Variants in DPH6 observed in about 807,000 individuals in gnomAD.
DPH6 encodes the protein diphthine--ammonia ligase.
Under a neutral mutation model 38.2 loss-of-function variants are expected in DPH6, and 33 were observed. The observed-to-expected ratio is 0.86, with a 90% CI of 0.65 to 1.15. The LOEUF (loss-of-function observed/expected upper bound fraction) is 1.15, where lower values mean the gene tolerates loss of function less well. Among genes scored for constraint, DPH6 ranks in the 50% most tolerant of loss-of-function variants. The probability of loss-of-function intolerance (pLI) is 0.00; values close to 1 mark genes in which losing one functional copy is unlikely to be tolerated. For synonymous variants in DPH6, 108 were observed against 103.0 expected (o/e 1.05, Z -0.30); for missense variants, 325 against 320.0 (o/e 1.02, Z -0.12).
chr15:35,328,092 C>T (rs35363595), downstream of DPH6, among the ~76,000 whole-genome samples: 49,536 of 151,928 alleles, frequency 0.33, 8,976 homozygotes, highest in African/African-American at 0.49. Context: ...TGTACTTGGA[C>T]GAAGTCAGGC....
the DPH6 span, among the ~76,000 whole-genome samples, chr15:35,168,277 ATATTT>A: frequency 6.6e-6 from 1 of 152,016 alleles, no homozygotes; most frequent in South Asian, 2.1e-4. Flanking sequence ...AAACTGGCCT[ATATTT>A]TATTTTCTTC....
At chr15:35,343,056 T>C (rs1458743325) in intron 3 of DPH6, among the ~76,000 whole-genome samples, 3 of 152,218 alleles carry the variant, frequency 2.0e-5, no homozygotes, top group African/African-American at 4.8e-5. Flanking sequence ...GCTAGGGAAC[T>C]CTATTTCTTT....
chr15:35,352,272 T>A (rs568340878), intron 3 of DPH6, among the ~76,000 whole-genome samples: 1 of 152,172 alleles, frequency 6.6e-6, no homozygotes, highest in Non-Finnish European at 1.5e-5. Context: ...CTAGTGATAA[T>A]GAACTCCTTC....
intron 5 of DPH6, among the ~76,000 whole-genome samples, chr15:35,441,817 A>AT (rs1555402154): frequency 4.6e-5 from 7 of 151,176 alleles, no homozygotes; most frequent in Admixed American, 4.6e-4. Context: ...AATAAAAAAA[A>AT]TGATGAGCTC....
the DPH6 span, among the ~76,000 whole-genome samples, chr15:35,198,337 A>G: frequency 1.3e-5 from 2 of 152,216 alleles, no homozygotes; most frequent in African/African-American, 4.8e-5. Context: ...ATAAATTCCA[A>G]TCACATCATA....
chr15:35,177,696 T>G, the DPH6 span, among the ~76,000 whole-genome samples: 4,510 of 151,816 alleles, frequency 0.03, 286 homozygotes, highest in East Asian at 0.3. Flanking sequence ...TCCCAGCACT[T>G]TGGGAGGCCA....
chr15:35,164,211 CTT>C, the DPH6 span, among the ~76,000 whole-genome samples: 1 of 151,802 alleles, frequency 6.6e-6, no homozygotes, highest in Non-Finnish European at 1.5e-5. Flanking sequence ...TGATTGGACT[CTT>C]TGGGCAAAAC....
the DPH6 span, among the ~76,000 whole-genome samples, chr15:35,146,347 C>T: frequency 1.3e-5 from 2 of 152,142 alleles, no homozygotes; most frequent in East Asian, 1.9e-4. Flanking sequence ...ACTGTCAAGA[C>T]TATTTCTTTG....
At chr15:35,347,273 A>AT (rs952280020) in intron 3 of DPH6, among the ~76,000 whole-genome samples, 2 of 152,130 alleles carry the variant, frequency 1.3e-5, no homozygotes, top group African/African-American at 4.8e-5. Context: ...TTCACTTAGC[A>AT]TAATGTCCTC....
intron 5 of DPH6, among the ~76,000 whole-genome samples, chr15:35,436,333 GTGGGCGCC>G (rs1274661065): frequency 6.6e-6 from 1 of 151,622 alleles, no homozygotes; most frequent in Non-Finnish European, 1.5e-5. Context: ...GGGCGTGGTG[GTGGGCGCC>G]TGTACTCCCA....
rs181268679 is a variant in DPH6, at chr15:35,355,901, C to G, written n.207+17620G>C. Among the ~76,000 whole-genome samples, 32 of 152,276 alleles carry G rather than the reference C, an allele frequency of 2.1e-4. No homozygotes were observed. In the South Asian group the frequency reaches 3.7e-3, roughly 18 times the overall value. On this transcript the variant is annotated intron_variant and non_coding_transcript_variant, in intron 3 of 3. Coordinates refer to the DPH6 transcript ENST00000558973. The stretch of plus-strand genomic sequence containing the variant: ...TGTTTTCCAACTTGGTTCCATTCTC[C>G]CCGTCACTTTCAGGTACACCAACCA...
At chr15:35,244,080 G>A (rs1009607730) in intron 3 of DPH6, among the ~76,000 whole-genome samples, 1 of 152,116 alleles carries the variant, frequency 6.6e-6, no homozygotes, top group African/African-American at 2.4e-5. Context: ...AACATTTTTA[G>A]TTTTTAAGCT....
chr15:35,456,040 A>G (rs1051938045), intron 3 of DPH6, among the ~76,000 whole-genome samples: 22 of 152,190 alleles, frequency 1.4e-4, no homozygotes, highest in South Asian at 2.1e-4. Flanking sequence ...ATGATGGAGA[A>G]ATACCTGCCC....
intron 3 of DPH6, among the ~76,000 whole-genome samples, chr15:35,222,637 T>G (rs1459386641): frequency 6.6e-6 from 1 of 152,116 alleles, no homozygotes; most frequent in Non-Finnish European, 1.5e-5. Flanking sequence ...TGAACTGGGG[T>G]ACAGAAAAAG....
intron 5 of DPH6, among the ~76,000 whole-genome samples, chr15:35,435,336 T>G (rs1295072420): frequency 2.0e-5 from 3 of 152,202 alleles, no homozygotes; most frequent in African/African-American, 7.2e-5. Context: ...TACTGAGTTT[T>G]GGACAATCAA....
At chr15:35,304,295 C>T (rs1347312767) in intron 3 of DPH6, among the ~76,000 whole-genome samples, 1 of 152,084 alleles carries the variant, frequency 6.6e-6, no homozygotes, top group Admixed American at 6.5e-5. Context: ...AGCCCAAGTT[C>T]CTTTCCAATA....
intron 3 of DPH6, among the ~76,000 whole-genome samples, chr15:35,522,492 C>CA (rs1050044422): frequency 1.3e-5 from 2 of 151,862 alleles, no homozygotes; most frequent in African/African-American, 4.8e-5. Context: ...TTTGTCACAG[C>CA]AAAAAAATTA....
At chr15:35,498,407 A>G (rs1199364384) in intron 3 of DPH6, among the ~76,000 whole-genome samples, 2 of 152,184 alleles carry the variant, frequency 1.3e-5, no homozygotes, top group African/African-American at 2.4e-5. Flanking sequence ...TTGGGACAGA[A>G]AAATAAAGAA....
intron 3 of DPH6, among the ~76,000 whole-genome samples, chr15:35,467,131 T>C (rs2054136587): frequency 6.6e-6 from 1 of 152,246 alleles, no homozygotes; most frequent in African/African-American, 2.4e-5. Flanking sequence ...CTTTTTAATC[T>C]GTTTTTTACT....
Sources: allele counts gnomAD v4.1 joint callset (sites outside exome capture counted in the v4.1 genomes callset), GRCh38; gene constraint gnomAD v4.1.1; transcripts MANE v1.5; gene names NCBI Gene and HGNC (gene_info 2026-07-23, HGNC 2026-07-21).